Variants in RADIL observed in about 807,000 individuals in gnomAD.
RADIL encodes Rap associating with DIL domain.
In RADIL, 99 loss-of-function variants were observed where a neutral mutation model predicts 97.6. That is an observed-to-expected ratio of 1.01 (90% confidence interval 0.86 to 1.20). The LOEUF is 1.20. RADIL is among the 50% of genes most tolerant of loss of function. RADIL has a pLI of 0.00. For synonymous variants in RADIL, 803 were observed against 691.8 expected (o/e 1.16, Z -2.52); for missense variants, 1,765 against 1,498.9 (o/e 1.18, Z -2.93).
rs1271513429 is a variant in RADIL at position 4,799,665 on chromosome 7, C to T, written c.3087G>A (p.Val1029=). 1 of 1,598,132 alleles carries T rather than the reference C, an allele frequency of 6.3e-7. No homozygotes were observed. The highest frequency in any genetic ancestry group is 2.3e-5 in the East Asian group (1 of 44,316). The part of the protein sequence containing the change: ...RLSLGDRILE[V]NGSSLLGLGY... ...CAAGGCCCAGGAGGCTGCTGCCATT[C>T]ACCTCCAGGATACGGTCCCCCAGCG... Residue 1029 remains valine (V), a synonymous_variant, in exon 14 of 15, where the codon GTG becomes GTA. Transcript: ENST00000399583.
chr7:4,803,859 C>T (rs879036204), intron 10 of RADIL, 105 bp from the exon 11 acceptor site: 11 of 994,296 alleles, frequency 1.1e-5, no homozygotes, highest in South Asian at 5.5e-5. Context: ...CAGATTGAGC[C>T]CTGAGTCCCC....
In RADIL at chr7:4,879,368, C is replaced by A. The variant is rs557202899; in HGVS notation, c.-64-1165G>T. ...GCAGAGAAAAAGGAAGGCAGGTCTCCGATTTGGAAAAGGTGAGGCTGGACT... is the reference window on the plus strand; with the variant it reads ...GCAGAGAAAAAGGAAGGCAGGTCTCAGATTTGGAAAAGGTGAGGCTGGACT... On this transcript the variant is annotated intron_variant, in intron 1 of 14. Coordinates refer to ENST00000399583, the MANE Select transcript of RADIL (RefSeq NM_018059.5). This position sits in a 1 kb window ranked among gnomAD's most constrained non-coding sequence, Gnocchi z 4.1. Among the ~76,000 whole-genome samples, 1 of 152,168 alleles carries A rather than the reference C, an allele frequency of 6.6e-6. No individual in the cohort carries two copies. Among genetic ancestry groups the A allele is most frequent in the Admixed American group, 6.5e-5 (1 of 15,282 alleles).
intron 2 of RADIL, among the ~76,000 whole-genome samples, chr7:4,856,927 T>C (rs982474216): frequency 3.3e-5 from 5 of 152,264 alleles, no homozygotes; most frequent in African/African-American, 9.6e-5. Flanking sequence ...GTTAAGTAGC[T>C]GTGACAGAGA....
chr7:4,836,765 C>A (rs1345910329), intron 2 of RADIL, among the ~76,000 whole-genome samples, 160 bp from the exon 3 acceptor site: 3 of 152,044 alleles, frequency 2.0e-5, no homozygotes, highest in African/African-American at 4.8e-5. Context: ...CAGTGAAACC[C>A]CATTTCTACT....
At position 4,822,590 on chromosome 7, in the gene RADIL, C is replaced by T. The variant is rs773732823; in HGVS notation, c.1455-36G>A. 9 of 1,600,150 alleles carry T rather than the reference C, an allele frequency of 5.6e-6. No homozygotes were observed. The Admixed American group carries it at 1.2e-4, about 21-fold the overall frequency. ...AGAAAGACTAAGAGTTACGCGGGGACCCGACCCTCAGGAGGCTGAATCTAC... is the reference window on the plus strand; with the variant it reads ...AGAAAGACTAAGAGTTACGCGGGGATCCGACCCTCAGGAGGCTGAATCTAC... On this transcript the variant is annotated intron_variant, in intron 5 of 14. Coordinates refer to ENST00000399583, the MANE Select transcript of RADIL (RefSeq NM_018059.5). This position sits in a 1 kb window ranked among gnomAD's most constrained non-coding sequence, Gnocchi z 5.3.
intron 5 of RADIL, among the ~76,000 whole-genome samples, chr7:4,829,288 C>T (rs1208365093): frequency 1.3e-5 from 2 of 152,198 alleles, no homozygotes; most frequent in Non-Finnish European, 2.9e-5. Context: ...GTCCCTCACA[C>T]AGTCCCAGAT....
rs1055832688 is a variant in RADIL at position 4,872,332 on chromosome 7, A to G, written c.535+5273T>C. Among the ~76,000 whole-genome samples, 7 of 152,238 alleles carry G rather than the reference A, an allele frequency of 4.6e-5. No homozygotes were observed. The highest frequency in any genetic ancestry group is 1.7e-4 in the African/African-American group (7 of 41,468). On this transcript the variant is annotated intron_variant, in intron 2 of 14. Transcript: ENST00000399583. The surrounding 1 kb of genome is among the most constrained non-coding windows in gnomAD (Gnocchi z 5.8). ...TGCAACCACGGACGCCTCCCTCAGCAAAGATGCCCCAACCTAAAATGTAAC... is the reference window on the plus strand; with the variant it reads ...TGCAACCACGGACGCCTCCCTCAGCGAAGATGCCCCAACCTAAAATGTAAC...
intron 11 of RADIL, 58 bp from the exon 12 acceptor site, chr7:4,802,053 C>A: frequency 7.3e-7 from 1 of 1,378,708 alleles, no homozygotes; most frequent in African/African-American, 1.5e-5. Flanking sequence ...ACACAGCACT[C>A]GGGCAACTGG....
At chr7:4,832,257 C>G in intron 4 of RADIL, 79 bp from the exon 5 acceptor site, 1 of 1,414,570 alleles carries the variant, frequency 7.1e-7, no homozygotes, top group Non-Finnish European at 9.8e-7. Flanking sequence ...ACGATACCAT[C>G]GACAGGAAAA....
chr7:4,811,157 A>C (rs1782533081), intron 9 of RADIL: 1 of 152,120 alleles, frequency 6.6e-6, no homozygotes. Context: ...CAAAAAAAAA[A>C]ACTGTTGAGG....
At chr7:4,843,181 T>C (rs1294502036) in intron 2 of RADIL, among the ~76,000 whole-genome samples, 5 of 143,672 alleles carry the variant, frequency 3.5e-5, no homozygotes, top group African/African-American at 1.3e-4. Context: ...CGCCAGCTAA[T>C]TTTTTGTATT....
In RADIL at chr7:4,834,850, G is replaced by T; in HGVS notation, c.1173C>A (p.Ala391=). 2.3e-6 allele frequency: 3 copies of T among 1,316,744 alleles called. No individual in the cohort carries two copies. The highest frequency in any genetic ancestry group is 2.9e-6 in the Non-Finnish European group (3 of 1,032,234). The allele number at this position is 1,316,744 out of a possible 1,614,324, so 81.6% of individuals were successfully genotyped here. A position where few individuals can be genotyped will look rare whatever the true frequency, so the allele number is the denominator to read the frequency against. Residue 391 remains alanine (A), a synonymous_variant, in exon 4 of 15, where the codon GCC becomes GCA. Transcript: ENST00000399583. This position sits in a 1 kb window ranked among gnomAD's most constrained non-coding sequence, Gnocchi z 6.0. ...GCAGGGCGGCCTGAGTAGGGGAGGC[G>T]GCTCCCCGGGCCCCGAGCGCGGCCC... is the stretch of plus-strand genomic sequence containing the variant. The part of the protein sequence containing the change: ...LCGAALGARG[A]ASPTQAALPR...
Position 4,816,357 on chromosome 7 carries a change from C to G in RADIL, c.1837G>C (p.Val613Leu). 1.9e-6 allele frequency: 3 copies of G among 1,611,710 alleles called. No individual in the cohort carries two copies. The highest frequency in any genetic ancestry group is 2.5e-6 in the Non-Finnish European group (3 of 1,179,514). The part of the protein sequence containing the change: ...PELPEELRRV[V>L]SVYQAALDLL... ...TCCAGGGCTGCCTGGTACACAGACA[C>G]CACGCGGCGCAGCTCCTCGGGCAGT... is the stretch of plus-strand genomic sequence containing the variant. The change falls in exon 8 of 15, where the codon GTG becomes CTG. Residue 613 changes from valine (V) to leucine (L), a missense_variant. By Grantham distance (32) the Val-to-Leu change is conservative. Transcript: ENST00000399583.
intron 2 of RADIL, among the ~76,000 whole-genome samples, chr7:4,853,220 G>A (rs999224829): frequency 5.3e-5 from 8 of 152,132 alleles, no homozygotes; most frequent in African/African-American, 1.9e-4. Flanking sequence ...CTCCAACCTT[G>A]AGCGTGAGTG....
rs6966329 is a variant in RADIL, at chr7:4,801,682, A to T, written c.2813T>A (p.Leu938His). The T allele has an allele frequency of 3.1e-6, 5 of 1,605,428 alleles. No homozygotes were observed. The South Asian group carries it at 5.6e-5, about 18-fold the overall frequency. The change falls in exon 12 of 15, where the codon CTC becomes CAC. Residue 938 changes from leucine (L) to histidine (H), a missense_variant. By Grantham distance (99) the Leu-to-His change is moderately conservative (BLOSUM62 -3). Transcript: ENST00000399583. ...CGGAGCTGCACCCCGGAGGCCGCTGAGTCCGTTCCTCTGCCTCTCTGGGAG... is the reference window on the plus strand; with the variant it reads ...CGGAGCTGCACCCCGGAGGCCGCTGTGTCCGTTCCTCTGCCTCTCTGGGAG... ...KALPERQRNG[L>H]SGLRGAAPEG...
At chr7:4,802,888 G>T (rs576279799) in intron 11 of RADIL, among the ~76,000 whole-genome samples, 22 of 112,574 alleles carry the variant, frequency 2.0e-4, no homozygotes, top group East Asian at 5.5e-4. Context: ...TCTGGCTGGG[G>T]GGCCCCCTCC....
intron 9 of RADIL, chr7:4,806,023 G>A (rs1247912148): frequency 3.0e-6 from 3 of 985,368 alleles, no homozygotes; most frequent in African/African-American, 3.5e-5. Flanking sequence ...CCACTACTGG[G>A]AAATGAACAG....
intron 2 of RADIL, among the ~76,000 whole-genome samples, chr7:4,862,581 G>A (rs568958129): frequency 6.6e-6 from 1 of 152,328 alleles, no homozygotes; most frequent in South Asian, 2.1e-4. Flanking sequence ...CCACCACTGT[G>A]TGTCCAGGCA....
chr7:4,801,670 C>G lies in RADIL; in HGVS notation c.2825G>C (p.Arg942Pro). 6.2e-7 allele frequency: 1 copy of G among 1,601,226 alleles called. No homozygotes were observed. Among genetic ancestry groups the G allele is most frequent in the Non-Finnish European group, 8.5e-7 (1 of 1,175,134 alleles). ...GGGCTCACCTTCCGGAGCTGCACCC[C>G]GGAGGCCGCTGAGTCCGTTCCTCTG... ...ERQRNGLSGL[R>P]GAAPEGDSAA... The change falls in exon 12 of 15, where the codon CGG becomes CCG. Residue 942 changes from arginine (R) to proline (P), a missense_variant. By Grantham distance (103) the Arg-to-Pro change is moderately radical (BLOSUM62 -2). Transcript: ENST00000399583.
Sources: gnomAD v4.1 joint callset for allele counts (sites outside exome capture counted in the v4.1 genomes callset) on GRCh38, gnomAD v4.1.1 for gene constraint, Gnocchi (gnomAD v3.1) non-coding constraint, MANE v1.5 for transcripts, NCBI Gene and HGNC (gene_info 2026-07-23, HGNC 2026-07-21) for gene names.